Variants in CSMD1 observed in about 807,000 individuals in gnomAD.
CSMD1 encodes the protein CUB and Sushi multiple domains 1.
CSMD1 carries 213 observed loss-of-function variants against 417.5 expected under a neutral mutation model. The observed-to-expected ratio is 0.51, with a 90% CI of 0.46 to 0.57. The LOEUF (loss-of-function observed/expected upper bound fraction) is 0.57. CSMD1 is among the 20% of genes least tolerant of loss of function. The pLI is 0.00. For synonymous variants in CSMD1, 2,862 were observed against 1,736.8 expected, an observed-to-expected ratio of 1.65 and a Z score of -16.11; for missense variants, 6,923 against 4,529.7, an observed-to-expected ratio of 1.53 and a Z score of -15.17.
chr8:3,074,366 A>C (rs529651935), intron 49 of CSMD1, among the ~76,000 whole-genome samples: 2 of 152,144 alleles, frequency 1.3e-5, no homozygotes, highest in South Asian at 2.1e-4. Flanking sequence ...AACATAACGC[A>C]ATCACGGGAG....
At chr8:3,458,238 T>C (rs1816282097) in intron 12 of CSMD1, among the ~76,000 whole-genome samples, 1 of 152,156 alleles carries the variant, frequency 6.6e-6, no homozygotes, top group Admixed American at 6.5e-5. Flanking sequence ...GGAATTTAAA[T>C]GTCAAATTTC....
intron 10 of CSMD1, among the ~76,000 whole-genome samples, chr8:3,536,200 T>C (rs775388690): frequency 1.3e-5 from 2 of 152,200 alleles, no homozygotes; most frequent in Non-Finnish European, 2.9e-5. Context: ...CAGAGCACTG[T>C]AGGTTTGCTT....
rs566510038 is a variant in CSMD1, at chr8:3,831,755, A to C, written c.819-77713T>G. On this transcript the variant is annotated intron_variant, in intron 5 of 69. Coordinates refer to ENST00000635120, the MANE Select transcript of CSMD1 (RefSeq NM_033225.6). Reference sequence around the variant, plus strand: ...TTCCAAATACAGTTCTCGGATGGGTAGCACAACACATAGCCATTTGGGATA... The same window carrying C: ...TTCCAAATACAGTTCTCGGATGGGTCGCACAACACATAGCCATTTGGGATA... 6.6e-5 allele frequency among the ~76,000 whole-genome samples: 10 copies of C among 152,312 alleles called. No individual in the cohort carries two copies. In the South Asian group the frequency reaches 1.5e-3, roughly 22 times the overall value.
intron 42 of CSMD1, among the ~76,000 whole-genome samples, chr8:3,116,697 A>T (rs145837031): frequency 7.2e-4 from 109 of 152,350 alleles, no homozygotes; most frequent in African/African-American, 2.5e-3. Context: ...AGTTATTTCC[A>T]TATTGAAAAA....
intron 25 of CSMD1, among the ~76,000 whole-genome samples, chr8:3,296,463 A>C (rs1803973696): frequency 6.6e-6 from 1 of 152,092 alleles, no homozygotes; most frequent in South Asian, 2.1e-4. Flanking sequence ...GGCTGTTTTA[A>C]GGATGATACA....
At chr8:2,982,502 G>C (rs75053577) in intron 54 of CSMD1, among the ~76,000 whole-genome samples, 3,342 of 152,330 alleles carry the variant, frequency 0.022, 128 homozygotes, top group African/African-American at 0.078. Context: ...CTGATCGCCT[G>C]ATGAAGGAAG....
At chr8:3,450,218 T>C (rs746936610) in intron 12 of CSMD1, among the ~76,000 whole-genome samples, 4 of 152,218 alleles carry the variant, frequency 2.6e-5, no homozygotes, top group Non-Finnish European at 5.9e-5. Context: ...ACATCTCCGT[T>C]GACCAACTGA....
At chr8:4,773,933 C>T (rs147640409) in intron 1 of CSMD1, among the ~76,000 whole-genome samples, 10 of 152,330 alleles carry the variant, frequency 6.6e-5, no homozygotes, top group East Asian at 3.9e-4. Context: ...CAGTGGCTCA[C>T]GCCTGAAATC....
intron 3 of CSMD1, among the ~76,000 whole-genome samples, chr8:4,367,757 T>G (rs532171929): frequency 1.9e-4 from 29 of 152,302 alleles, no homozygotes; most frequent in Non-Finnish European, 4.0e-4. Context: ...TTGTAATTCT[T>G]GCTGTGGAAA....
At position 3,934,725 on chromosome 8, in the gene CSMD1, C is replaced by T. The variant is rs138783163; in HGVS notation, c.818+63178G>A. ...AAAAATTTAGCCGGGCATGGTGGTGCACTCCCAGCTACTCGGGAGGCTGAA... is the reference window on the plus strand; with the variant it reads ...AAAAATTTAGCCGGGCATGGTGGTGTACTCCCAGCTACTCGGGAGGCTGAA... On this transcript the variant is annotated intron_variant, in intron 5 of 69. Coordinates refer to ENST00000635120, the MANE Select transcript of CSMD1 (RefSeq NM_033225.6). 8.6e-4 allele frequency among the ~76,000 whole-genome samples: 131 copies of T among 152,066 alleles called. No homozygotes were observed. The East Asian group carries it at 0.016, about 19-fold the overall frequency.
chr8:3,493,608 C>G lies in CSMD1; in HGVS notation c.1448+15G>C. 2 of 1,594,638 alleles carry G rather than the reference C, an allele frequency of 1.3e-6. No individual in the cohort carries two copies. Among genetic ancestry groups the G allele is most frequent in the African/African-American group, 2.7e-5 (2 of 74,694 alleles). ...TGCATGCATAAGAGAAGAAGAAGCTCAAGGACATACTCACACGTACAAGAC... is the reference window on the plus strand; with the variant it reads ...TGCATGCATAAGAGAAGAAGAAGCTGAAGGACATACTCACACGTACAAGAC... On this transcript the variant is annotated intron_variant, in intron 11 of 69. Coordinates refer to ENST00000635120, the MANE Select transcript of CSMD1 (RefSeq NM_033225.6).
At chr8:3,653,019 G>C (rs1187121080) in intron 7 of CSMD1, among the ~76,000 whole-genome samples, 12 of 152,044 alleles carry the variant, frequency 7.9e-5, no homozygotes. Context: ...AATTATACTA[G>C]AAGCCAATAA....
At chr8:3,466,303 G>T (rs964130458) in intron 12 of CSMD1, among the ~76,000 whole-genome samples, 1 of 152,058 alleles carries the variant, frequency 6.6e-6, no homozygotes, top group South Asian at 2.1e-4. Context: ...GGGGAGTACA[G>T]CTCCAGAGCC....
chr8:4,101,365 T>A (rs1256480888), intron 3 of CSMD1, among the ~76,000 whole-genome samples: 1 of 152,084 alleles, frequency 6.6e-6, no homozygotes, highest in Non-Finnish European at 1.5e-5. Context: ...AATACCACAT[T>A]CCATCTGGGG....
At chr8:3,995,968 A>C (rs1050886132) in intron 5 of CSMD1, among the ~76,000 whole-genome samples, 4 of 152,154 alleles carry the variant, frequency 2.6e-5, no homozygotes, top group Non-Finnish European at 5.9e-5. Context: ...AGGCACCAAG[A>C]AGACAGTGGT....
intron 1 of CSMD1, among the ~76,000 whole-genome samples, chr8:4,789,370 G>A (rs1383219913): frequency 1.3e-5 from 2 of 152,096 alleles, no homozygotes; most frequent in Non-Finnish European, 2.9e-5. Flanking sequence ...CTGTGTCTTT[G>A]TAGCTCTCTG....
In CSMD1 at chr8:2,949,397, G is replaced by GCAAA. The variant is rs1266996878; in HGVS notation, c.10315-12_10315-11insTTTG. On this transcript the variant is annotated splice_polypyrimidine_tract_variant and intron_variant, in intron 67 of 69. Coordinates refer to ENST00000635120, the MANE Select transcript of CSMD1 (RefSeq NM_033225.6). ...AAGTCCAGATGACACCTGACACATA[G>GCAAA]GAAAGAAAAGAAAAGAAATAAAAAG... The GCAAA allele has an allele frequency of 7.4e-7, 1 of 1,342,408 alleles. No individual in the cohort carries two copies. Among genetic ancestry groups the GCAAA allele is most frequent in the East Asian group, 2.4e-5 (1 of 41,618 alleles). 83.2% of individuals were successfully genotyped at this position (1,342,408 alleles called of 1,614,324 possible). A position where few individuals can be genotyped will look rare whatever the true frequency, so the allele number is the denominator to read the frequency against.
At position 4,718,283 on chromosome 8, in the gene CSMD1, A is replaced by T. The variant is rs552881694; in HGVS notation, c.86-80725T>A. ...TGAGCCACCATGCTAAACCATACAA[A>T]TCTATCAAAATTTTAAAAAACATAT... is the stretch of plus-strand genomic sequence containing the variant. On this transcript the variant is annotated intron_variant, in intron 1 of 69. Coordinates refer to ENST00000635120, the MANE Select transcript of CSMD1 (RefSeq NM_033225.6). Among the ~76,000 whole-genome samples, 17 of 152,314 alleles carry T rather than the reference A, an allele frequency of 1.1e-4. 1 individual carries two copies. In the South Asian group the frequency reaches 3.5e-3, roughly 32 times the overall value.
chr8:3,523,495 C>G (rs1542592), intron 10 of CSMD1, among the ~76,000 whole-genome samples: 34,898 of 152,084 alleles, frequency 0.23, 5,018 homozygotes, highest in African/African-American at 0.39. Context: ...GGATGGCTGG[C>G]AGCAGAAAGG....
Sources: allele counts gnomAD v4.1 joint callset (sites outside exome capture counted in the v4.1 genomes callset), GRCh38; gene constraint gnomAD v4.1.1; transcripts MANE v1.5; gene names NCBI Gene and HGNC (gene_info 2026-07-23, HGNC 2026-07-21).